Variants in KLF12 observed in about 807,000 individuals in gnomAD.
KLF12 encodes KLF transcription factor 12.
A neutral mutation model predicts 37.8 loss-of-function variants in KLF12; 9 were observed. That is an observed-to-expected ratio of 0.24 (90% CI 0.14 to 0.42). The LOEUF (loss-of-function observed/expected upper bound fraction) is 0.42, where lower values mean the gene tolerates loss of function less well. Ranked by LOEUF, KLF12 falls within the 10% of genes least tolerant of loss-of-function variation. The pLI is 1.00. For synonymous variants in KLF12, 208 were observed against 202.1 expected (o/e 1.03, Z -0.25); for missense variants, 411 against 516.0 (o/e 0.80, Z 1.97).
chr13:73,788,853 T>C (rs1345422005), intron 5 of KLF12, among the ~76,000 whole-genome samples: 1 of 152,228 alleles, frequency 6.6e-6, no homozygotes, highest in Non-Finnish European at 1.5e-5. Context: ...ATAAAAATCA[T>C]ACTCTAGTGA....
chr13:74,027,281 TCTAA>T (rs74741958), intron 1 of KLF12, among the ~76,000 whole-genome samples: 21,390 of 152,072 alleles, frequency 0.14, 1,756 homozygotes, highest in Non-Finnish European at 0.19. Flanking sequence ...TGTCTTCTTC[TCTAA>T]CTGTCTTCTT....
chr13:74,085,447 CTTG>C (rs1875216939), intron 1 of KLF12, among the ~76,000 whole-genome samples: 1 of 152,196 alleles, frequency 6.6e-6, no homozygotes, highest in Admixed American at 6.5e-5. Context: ...GCCTTGAGCA[CTTG>C]TTATGTATGA....
chr13:74,042,882 G>A (rs1465109394), intron 1 of KLF12, among the ~76,000 whole-genome samples: 1 of 152,170 alleles, frequency 6.6e-6, no homozygotes, highest in Admixed American at 6.5e-5. Flanking sequence ...TGGGCAAGAA[G>A]CCTTTCTAGT....
intron 1 of KLF12, among the ~76,000 whole-genome samples, chr13:74,012,380 A>C (rs1396778353): frequency 6.6e-6 from 1 of 152,204 alleles, no homozygotes; most frequent in African/African-American, 2.4e-5. Flanking sequence ...AGAGGACCAG[A>C]AATATAACCC....
intron 3 of KLF12, among the ~76,000 whole-genome samples, chr13:73,910,856 G>A (rs1335080689): frequency 1.3e-5 from 2 of 152,104 alleles, no homozygotes; most frequent in African/African-American, 2.4e-5. Context: ...TTATTAATGG[G>A]TTATCATGGA....
chr13:74,246,177 G>T, the KLF12 span, among the ~76,000 whole-genome samples: 1 of 152,172 alleles, frequency 6.6e-6, no homozygotes, highest in African/African-American at 2.4e-5. Flanking sequence ...ATCGGCTTCT[G>T]TTAAAAGTGG....
At chr13:73,727,297 CTA>C (rs1876735113) in intron 6 of KLF12, among the ~76,000 whole-genome samples, 1 of 152,086 alleles carries the variant, frequency 6.6e-6, no homozygotes, top group African/African-American at 2.4e-5. Flanking sequence ...AGATTTACTC[CTA>C]TGTTTTAAGA....
rs189533221 is a variant in KLF12 at position 73,961,989 on chromosome 13, G to A, written c.34-17919C>T. The A allele has an allele frequency of 1.2e-4, 54 of 455,134 alleles. No homozygotes were observed. In the East Asian group the frequency reaches 1.7e-3, roughly 15 times the overall value. The allele number at this position is 455,134 out of a possible 1,614,324, so 28.2% of individuals were successfully genotyped here. A position where few individuals can be genotyped will look rare whatever the true frequency, so the allele number is the denominator to read the frequency against. On this transcript the variant is annotated intron_variant, in intron 2 of 7. Transcript: ENST00000377669. ...ATAAGATCACACTGTCACTGTCTTTGGAATTTACTCAAATGAACTGAAATT... is the reference window on the plus strand; with the variant it reads ...ATAAGATCACACTGTCACTGTCTTTAGAATTTACTCAAATGAACTGAAATT...
the KLF12 span, among the ~76,000 whole-genome samples, chr13:74,197,212 C>T: frequency 6.6e-6 from 1 of 151,976 alleles, no homozygotes; most frequent in South Asian, 2.1e-4. Flanking sequence ...GATAAGAAAA[C>T]ATACAAACAC....
the KLF12 span, among the ~76,000 whole-genome samples, chr13:74,186,167 C>A: frequency 6.6e-6 from 1 of 152,092 alleles, no homozygotes; most frequent in Non-Finnish European, 1.5e-5. Context: ...GAAATACAAT[C>A]CTAAGGATCA....
At chr13:73,821,669 C>T (rs1481001350) in intron 4 of KLF12, among the ~76,000 whole-genome samples, 1 of 152,098 alleles carries the variant, frequency 6.6e-6, no homozygotes, top group Non-Finnish European at 1.5e-5. Flanking sequence ...ACTTAGAAAT[C>T]CTTGACTTTT....
chr13:73,789,686 TTTTTC>T (rs1368709567), intron 5 of KLF12, among the ~76,000 whole-genome samples: 2 of 151,526 alleles, frequency 1.3e-5, no homozygotes, highest in African/African-American at 4.9e-5. Flanking sequence ...TTTTTTTTTT[TTTTTC>T]TTTGAGACAG....
At chr13:73,756,411 T>G (rs1302529247) in intron 6 of KLF12, among the ~76,000 whole-genome samples, 1 of 152,160 alleles carries the variant, frequency 6.6e-6, no homozygotes, top group African/African-American at 2.4e-5. Flanking sequence ...ATCAACACTC[T>G]TAGGTTTCAA....
intron 3 of KLF12, among the ~76,000 whole-genome samples, chr13:73,901,378 A>G (rs2139086802): frequency 6.6e-6 from 1 of 152,312 alleles, no homozygotes; most frequent in African/African-American, 2.4e-5. Context: ...TAGAACACAG[A>G]TGTCTGGAGG....
chr13:73,935,947 G>C (rs1889906357), intron 3 of KLF12, among the ~76,000 whole-genome samples: 1 of 152,124 alleles, frequency 6.6e-6, no homozygotes, highest in African/African-American at 2.4e-5. Context: ...GACATACATG[G>C]TGTATGTTTC....
At chr13:73,784,694 G>A (rs1405797410) in intron 5 of KLF12, among the ~76,000 whole-genome samples, 1 of 147,318 alleles carries the variant, frequency 6.8e-6, no homozygotes, top group Non-Finnish European at 1.5e-5. Context: ...GCAGTGGCAC[G>A]ATCTAGGCTC....
chr13:73,803,161 TAAAGAG>T (rs1428700626), intron 5 of KLF12, among the ~76,000 whole-genome samples: 1 of 152,214 alleles, frequency 6.6e-6, no homozygotes, highest in African/African-American at 2.4e-5. Context: ...CATGAGTAGA[TAAAGAG>T]ATTCAGTTCT....
chr13:74,219,557 C>T, the KLF12 span, among the ~76,000 whole-genome samples: 16 of 152,164 alleles, frequency 1.1e-4, no homozygotes, highest in Non-Finnish European at 2.9e-5. Flanking sequence ...ATTGGAGTTA[C>T]AGGAACTGTG....
At chr13:74,223,025 C>T in the KLF12 span, among the ~76,000 whole-genome samples, 1 of 152,108 alleles carries the variant, frequency 6.6e-6, no homozygotes, top group African/African-American at 2.4e-5. Flanking sequence ...TACTTTGAAT[C>T]AAATGAGCCA....
Sources: gnomAD v4.1 joint callset for allele counts (sites outside exome capture counted in the v4.1 genomes callset) on GRCh38, gnomAD v4.1.1 for gene constraint, MANE v1.5 for transcripts, NCBI Gene and HGNC (gene_info 2026-07-23, HGNC 2026-07-21) for gene names.